The following ZNRF3 variants were observed in gnomAD, a reference collection of about 807,000 sequenced individuals.
ZNRF3 encodes the protein zinc and ring finger 3.
In ZNRF3, 23 loss-of-function variants were observed where a neutral mutation model predicts 72.5. That is an observed-to-expected ratio of 0.32 (90% CI 0.23 to 0.45). The LOEUF is 0.45. Among genes scored for constraint, ZNRF3 ranks in the 20% least tolerant of loss-of-function variants. ZNRF3 has a pLI of 1.00. For synonymous variants in ZNRF3, 610 were observed against 545.3 expected, an observed-to-expected ratio of 1.12 and a Z score of -1.65; for missense variants, 1,169 against 1,272.1, an observed-to-expected ratio of 0.92 and a Z score of 1.23.
intron 2 of ZNRF3, chr22:29,024,976 C>CGTTT (rs745479901): frequency 2.6e-4 from 29 of 110,470 alleles, no homozygotes; most frequent in African/African-American, 9.3e-4. Flanking sequence ...CCCTGTGCTA[C>CGTTT]TTTTTTTTTT....
rs2037109705 is a variant in ZNRF3, at chr22:29,048,203, T to C, written c.913-186T>C. On this transcript the variant is annotated intron_variant, in intron 6 of 8. Coordinates refer to ENST00000544604, the MANE Select transcript of ZNRF3 (RefSeq NM_001206998.2). This position sits in a 1 kb window ranked among gnomAD's most constrained non-coding sequence, Gnocchi z 4.9. ...GTGGATGGGGCTGACTGCTGGCAGT[T>C]TCCTTCTTCCTAGAACACATGGGTG... Among the ~76,000 whole-genome samples, 3 of 152,158 alleles carry C rather than the reference T, an allele frequency of 2.0e-5. No homozygotes were observed. The South Asian group carries it at 6.2e-4, about 32-fold the overall frequency.
intron 1 of ZNRF3, among the ~76,000 whole-genome samples, chr22:28,956,041 C>T (rs928676786): frequency 6.6e-6 from 1 of 152,090 alleles, no homozygotes; most frequent in Non-Finnish European, 1.5e-5. Context: ...GCAAGTTGCC[C>T]CATCTGGTTG....
chr22:28,917,368 G>A (rs2034427419), intron 1 of ZNRF3: 1 of 978,234 alleles, frequency 1.0e-6, no homozygotes, highest in African/African-American at 1.7e-5. Flanking sequence ...TCCTCAGGAG[G>A]CTGTGTTGTC....
intron 1 of ZNRF3, among the ~76,000 whole-genome samples, chr22:28,894,337 G>C (rs2033952012): frequency 7.5e-6 from 1 of 133,696 alleles, no homozygotes; most frequent in Admixed American, 7.1e-5. Flanking sequence ...TAAAATACTG[G>C]CTTTTTTTTT....
At chr22:28,969,618 A>G (rs946972527) in intron 1 of ZNRF3, among the ~76,000 whole-genome samples, 5 of 152,114 alleles carry the variant, frequency 3.3e-5, no homozygotes, top group Admixed American at 1.3e-4. Flanking sequence ...GGCAGAAGAG[A>G]GGGGTCAAAG....
chr22:29,004,673 C>T (rs1013351795), intron 2 of ZNRF3, among the ~76,000 whole-genome samples: 38 of 152,356 alleles, frequency 2.5e-4, no homozygotes, highest in African/African-American at 8.9e-4. Context: ...TCCTCGCCCT[C>T]CCCCAGTGGC....
chr22:28,962,361 A>G (rs1410117345), intron 1 of ZNRF3, among the ~76,000 whole-genome samples: 1 of 152,182 alleles, frequency 6.6e-6, no homozygotes, highest in East Asian at 1.9e-4. Flanking sequence ...TTGACCTTAC[A>G]AGGTAGGCTT....
intron 1 of ZNRF3, among the ~76,000 whole-genome samples, chr22:28,961,484 G>A (rs2035358725): frequency 6.6e-6 from 1 of 152,206 alleles, no homozygotes; most frequent in Non-Finnish European, 1.5e-5. Flanking sequence ...TCATGTGGAG[G>A]CAATGGGGCA....
chr22:29,053,173 C>A (rs1470738949), intron 8 of ZNRF3, among the ~76,000 whole-genome samples: 1 of 152,158 alleles, frequency 6.6e-6, no homozygotes, highest in Non-Finnish European at 1.5e-5. Flanking sequence ...TTAGGTAACA[C>A]TCCAGCCCCC....
intron 2 of ZNRF3, among the ~76,000 whole-genome samples, chr22:29,010,790 C>T (rs2123852537): frequency 6.6e-6 from 1 of 152,310 alleles, no homozygotes; most frequent in African/African-American, 2.4e-5. Context: ...GTGCTTCAAC[C>T]TCCCAAGTAG....
At chr22:28,998,253 C>G (rs982889732) in intron 2 of ZNRF3, among the ~76,000 whole-genome samples, 2 of 151,704 alleles carry the variant, frequency 1.3e-5, no homozygotes, top group African/African-American at 4.8e-5. Flanking sequence ...GAGCCAAGAT[C>G]GCACCACTGC....
intron 1 of ZNRF3, among the ~76,000 whole-genome samples, chr22:28,955,044 T>TG (rs2035231874): frequency 6.7e-6 from 1 of 149,482 alleles, no homozygotes; most frequent in African/African-American, 2.5e-5. Context: ...TTTTTTTTTT[T>TG]TGTTTTTTTT....
chr22:28,947,737 A>G (rs982905824), intron 1 of ZNRF3, among the ~76,000 whole-genome samples: 1 of 152,266 alleles, frequency 6.6e-6, no homozygotes, highest in Non-Finnish European at 1.5e-5. Flanking sequence ...TCATAAGGGT[A>G]GTTACACTTT....
chr22:28,987,120 G>A lies in ZNRF3; in HGVS notation c.345G>A (p.Leu115=), dbSNP rs750242415. 2.5e-6 allele frequency: 4 copies of A among 1,613,970 alleles called. No homozygotes were observed. The highest frequency in any genetic ancestry group is 3.3e-4 in the Middle Eastern group (2 of 6,062). ...GTAATAACAATGACGAAGAGGACTT[G>A]TATGAATATGGCTGGGTAGGAGTGG... ...GLCNNNDEED[L]YEYGWVGVVK... The change falls in exon 2 of 9, where the codon TTG becomes TTA. Residue 115 remains leucine (L), a synonymous_variant. Transcript: ENST00000544604.
At chr22:28,945,579 G>A (rs1461041172) in intron 1 of ZNRF3, among the ~76,000 whole-genome samples, 1 of 151,608 alleles carries the variant, frequency 6.6e-6, no homozygotes, top group Non-Finnish European at 1.5e-5. Context: ...GGCCAGGCTG[G>A]AGTGCAGTGG....
At chr22:28,917,337 C>T (rs906313337) in intron 1 of ZNRF3, 2 of 750,500 alleles carry the variant, frequency 2.7e-6, no homozygotes, top group Non-Finnish European at 3.2e-6. Context: ...GAGAGAAGCC[C>T]ATTCTGATCT....
intron 2 of ZNRF3, among the ~76,000 whole-genome samples, chr22:29,002,142 C>T (rs894156972): frequency 1.3e-5 from 2 of 152,078 alleles, no homozygotes; most frequent in African/African-American, 4.8e-5. Flanking sequence ...TTATGTATGT[C>T]GATGGTCAGG....
intron 1 of ZNRF3, among the ~76,000 whole-genome samples, chr22:28,965,615 T>G (rs750637990): frequency 2.6e-5 from 4 of 152,190 alleles, no homozygotes; most frequent in Non-Finnish European, 5.9e-5. Flanking sequence ...TCTGGTCTCC[T>G]ATATCTTAGT....
chr22:28,970,783 C>T (rs889147636), intron 1 of ZNRF3, among the ~76,000 whole-genome samples: 3 of 152,118 alleles, frequency 2.0e-5, no homozygotes, highest in Admixed American at 6.5e-5. Flanking sequence ...ATCATGTTTC[C>T]GTTTATGTGG....
Sources: allele counts gnomAD v4.1 joint callset (sites outside exome capture counted in the v4.1 genomes callset), GRCh38; gene constraint gnomAD v4.1.1; non-coding constraint Gnocchi (gnomAD v3.1); transcripts MANE v1.5; gene names NCBI Gene and HGNC (gene_info 2026-07-23, HGNC 2026-07-21).